The following XKR9 variants were observed in gnomAD, a reference collection of about 807,000 sequenced individuals.
XKR9 encodes the protein XK-related protein 9.
A neutral mutation model predicts 32.0 loss-of-function variants in XKR9; 32 were observed. The ratio of observed to expected loss-of-function variants is 1.00; its 90% CI spans 0.76 to 1.34. The LOEUF is 1.34. Ranked by LOEUF, XKR9 falls within the 40% of genes most tolerant of loss-of-function variation. The probability of loss-of-function intolerance (pLI) is 0.00; values close to 1 mark genes in which losing one functional copy is unlikely to be tolerated. For synonymous variants in XKR9, 168 were observed against 143.4 expected, an observed-to-expected ratio of 1.17 and a Z score of -1.22; for missense variants, 546 against 429.7, an observed-to-expected ratio of 1.27 and a Z score of -2.39.
the XKR9 span, among the ~76,000 whole-genome samples, chr8:71,022,332 T>C: frequency 6.6e-6 from 1 of 152,208 alleles, no homozygotes; most frequent in African/African-American, 2.4e-5. Flanking sequence ...TGAATTCCTT[T>C]AGTTTTTGCT....
intron 2 of XKR9, among the ~76,000 whole-genome samples, chr8:70,767,530 G>A (rs1326203817): frequency 1.7e-4 from 20 of 115,338 alleles, no homozygotes; most frequent in African/African-American, 2.0e-4. Flanking sequence ...ATGGAGTCTC[G>A]CTCTGTCGCC....
chr8:70,866,276 A>G, the XKR9 span, among the ~76,000 whole-genome samples: 7 of 152,198 alleles, frequency 4.6e-5, no homozygotes, highest in African/African-American at 7.2e-5. Context: ...TTGGAACCCA[A>G]TGTGTTTCTG....
chr8:70,851,356 C>T, the XKR9 span, among the ~76,000 whole-genome samples: 1 of 152,118 alleles, frequency 6.6e-6, no homozygotes, highest in East Asian at 1.9e-4. Flanking sequence ...GGCCATACTG[C>T]CCAAAATAAT....
intron 2 of XKR9, among the ~76,000 whole-genome samples, chr8:70,774,493 T>C (rs1280518674): frequency 6.6e-6 from 1 of 152,150 alleles, no homozygotes; most frequent in Non-Finnish European, 1.5e-5. Context: ...TACCCTTCAG[T>C]CTTAAAGATT....
intron 2 of XKR9, among the ~76,000 whole-genome samples, chr8:70,786,604 G>C (rs890247752): frequency 2.0e-5 from 3 of 151,902 alleles, no homozygotes; most frequent in African/African-American, 2.4e-5. Flanking sequence ...CTACTCTTTT[G>C]GTTTCCACTT....
At chr8:70,965,706 T>A in the XKR9 span, among the ~76,000 whole-genome samples, 48,441 of 152,096 alleles carry the variant, frequency 0.32, 9,050 homozygotes, top group Non-Finnish European at 0.43. Context: ...CAGGAATTTA[T>A]CTATTTCTTC....
the XKR9 span, among the ~76,000 whole-genome samples, chr8:70,978,948 T>A: frequency 5.9e-5 from 9 of 152,360 alleles, no homozygotes; most frequent in Admixed American, 5.9e-4. Flanking sequence ...TTACTCATTT[T>A]TCTCTGAATT....
chr8:70,968,069 C>T, the XKR9 span, among the ~76,000 whole-genome samples: 1 of 152,194 alleles, frequency 6.6e-6, no homozygotes, highest in African/African-American at 2.4e-5. Flanking sequence ...CTTTCAGGTG[C>T]TCCAATCAAT....
At chr8:70,788,573 C>T (rs1056647124) in intron 2 of XKR9, among the ~76,000 whole-genome samples, 3 of 152,066 alleles carry the variant, frequency 2.0e-5, no homozygotes, top group Non-Finnish European at 4.4e-5. Flanking sequence ...ATTATTTACA[C>T]TTATGTAACA....
intron 3 of XKR9, among the ~76,000 whole-genome samples, chr8:70,703,180 C>T (rs1489213625): frequency 6.6e-6 from 1 of 150,418 alleles, no homozygotes; most frequent in Non-Finnish European, 1.5e-5. Context: ...TTTTTTTTGC[C>T]CCTCTCTCTT....
intron 4 of XKR9, among the ~76,000 whole-genome samples, chr8:70,720,433 A>G (rs1806238589): frequency 6.6e-6 from 1 of 152,070 alleles, no homozygotes; most frequent in Non-Finnish European, 1.5e-5. Context: ...TTGGCTATGG[A>G]TATGCCATAA....
At chr8:70,906,388 G>A in the XKR9 span, among the ~76,000 whole-genome samples, 12,820 of 152,212 alleles carry the variant, frequency 0.084, 614 homozygotes, top group African/African-American at 0.099. Context: ...TGAGGTTAGC[G>A]TACTATTAAA....
At chr8:70,939,624 C>G in the XKR9 span, among the ~76,000 whole-genome samples, 1 of 151,874 alleles carries the variant, frequency 6.6e-6, no homozygotes, top group Non-Finnish European at 1.5e-5. Context: ...AAAGGGTTTA[C>G]AAATAAAGGG....
chr8:71,048,443 TAAG>T, the XKR9 span, among the ~76,000 whole-genome samples: 1 of 152,168 alleles, frequency 6.6e-6, no homozygotes, highest in South Asian at 2.1e-4. Context: ...ATATAAATAT[TAAG>T]ATAGATAACG....
the XKR9 span, among the ~76,000 whole-genome samples, chr8:70,825,706 A>T: frequency 2.6e-5 from 4 of 152,068 alleles, no homozygotes; most frequent in African/African-American, 2.4e-5. Flanking sequence ...CATGTCTGTG[A>T]ATGTCATTGC....
At chr8:70,886,210 G>A in the XKR9 span, among the ~76,000 whole-genome samples, 33 of 152,282 alleles carry the variant, frequency 2.2e-4, no homozygotes, top group East Asian at 6.4e-3. Context: ...TCCCTGCAAA[G>A]GACATGAACT....
the XKR9 span, among the ~76,000 whole-genome samples, chr8:70,812,705 G>T: frequency 6.6e-6 from 1 of 152,100 alleles, no homozygotes; most frequent in Non-Finnish European, 1.5e-5. Context: ...GCTTCAAAGA[G>T]AATAAAATAC....
the XKR9 span, among the ~76,000 whole-genome samples, chr8:70,896,993 G>A: frequency 3.2e-3 from 483 of 151,816 alleles, 1 homozygote; most frequent in African/African-American, 0.011. Flanking sequence ...CCAATTTTTT[G>A]TACCAATGGA....
At chr8:70,793,341 T>G (rs1307925291), downstream of XKR9, among the ~76,000 whole-genome samples, 2 of 152,110 alleles carry the variant, frequency 1.3e-5, no homozygotes, top group Non-Finnish European at 2.9e-5. Context: ...ATGAATGAAT[T>G]AATACATACA....
Sources: gnomAD v4.1 joint callset for allele counts (sites outside exome capture counted in the v4.1 genomes callset) on GRCh38, gnomAD v4.1.1 for gene constraint, MANE v1.5 for transcripts, NCBI Gene and HGNC (gene_info 2026-07-23, HGNC 2026-07-21) for gene names.